Variants in CNNM2 observed in about 807,000 individuals in gnomAD.
CNNM2 encodes cyclin and CBS domain divalent metal cation transport mediator 2, also known as metal transporter CNNM2.
A neutral mutation model predicts 66.9 loss-of-function variants in CNNM2; 12 were observed. The ratio of observed to expected loss-of-function variants is 0.18; its 90% CI spans 0.11 to 0.29. The LOEUF (loss-of-function observed/expected upper bound fraction) is 0.29. CNNM2 is among the 10% of genes least tolerant of loss of function. The pLI, the probability that CNNM2 is intolerant of heterozygous loss-of-function variation, is 1.00. For synonymous variants in CNNM2, 557 were observed against 501.8 expected, an observed-to-expected ratio of 1.11 and a Z score of -1.47; for missense variants, 705 against 1,167.7, an observed-to-expected ratio of 0.60 and a Z score of 5.77.
chr10:102,993,620 C>T (rs539419168), intron 1 of CNNM2, among the ~76,000 whole-genome samples: 1 of 152,030 alleles, frequency 6.6e-6, no homozygotes, highest in Non-Finnish European at 1.5e-5. Flanking sequence ...TGTTGTTTCT[C>T]TCTCCCAAGA....
rs1320712616 is a variant in CNNM2 at position 103,080,369 on chromosome 10, G to T, written c.*3189G>T. Reference sequence around the variant, plus strand: ...TGGAGGTTCCGTCCCTTCACTGCTTGTCCCATATGCGTCAGGCAAATTCAA... The same window carrying T: ...TGGAGGTTCCGTCCCTTCACTGCTTTTCCCATATGCGTCAGGCAAATTCAA... On this transcript the variant is annotated 3_prime_UTR_variant, in exon 8 of 8. Coordinates refer to ENST00000369878, the MANE Select transcript of CNNM2 (RefSeq NM_017649.5). 2.0e-5 allele frequency: 3 copies of T among 152,240 alleles called. No individual in the cohort carries two copies. The highest frequency in any genetic ancestry group is 7.2e-5 in the African/African-American group (3 of 41,450). 9.4% of individuals were successfully genotyped at this position (152,240 alleles called of 1,614,324 possible).
intron 1 of CNNM2, among the ~76,000 whole-genome samples, chr10:102,943,770 T>C (rs1034933714): frequency 6.6e-6 from 1 of 152,208 alleles, no homozygotes; most frequent in African/African-American, 2.4e-5. Context: ...TTCATATGTA[T>C]GTCTGTATGT....
Position 103,077,275 on chromosome 10 carries a change from C to A in CNNM2, c.*95C>A. On this transcript the variant is annotated 3_prime_UTR_variant, in exon 8 of 8. Coordinates refer to ENST00000369878, the MANE Select transcript of CNNM2 (RefSeq NM_017649.5). ...ACTTCACTGGTGTGAGCTTGTCCGCCATGCTGTACCCTGCAACATCCTGAG... is the reference window on the plus strand; with the variant it reads ...ACTTCACTGGTGTGAGCTTGTCCGCAATGCTGTACCCTGCAACATCCTGAG... The A allele has an allele frequency of 1.8e-6, 2 of 1,118,250 alleles. No individual in the cohort carries two copies. The highest frequency in any genetic ancestry group is 2.6e-6 in the Non-Finnish European group (2 of 768,502). 69.3% of individuals were successfully genotyped at this position (1,118,250 alleles called of 1,614,324 possible). A position where few individuals can be genotyped will look rare whatever the true frequency, so the allele number is the denominator to read the frequency against.
chr10:103,037,574 C>T (rs921036670), intron 1 of CNNM2, among the ~76,000 whole-genome samples: 2 of 152,094 alleles, frequency 1.3e-5, no homozygotes, highest in Non-Finnish European at 2.9e-5. Flanking sequence ...AAGATGGAGT[C>T]TTCTCTCTGT....
rs565546566 is a variant in CNNM2 at position 102,992,229 on chromosome 10, A to G, written c.1622-57478A>G. Among the ~76,000 whole-genome samples, 5 of 142,812 alleles carry G rather than the reference A, an allele frequency of 3.5e-5. No homozygotes were observed. In the East Asian group the frequency reaches 1.1e-3, roughly 31 times the overall value. The allele number at this position is 142,812 out of a possible 152,430, so 93.7% of individuals were successfully genotyped here. A position where few individuals can be genotyped will look rare whatever the true frequency, so the allele number is the denominator to read the frequency against. On this transcript the variant is annotated intron_variant, in intron 1 of 7. Transcript: ENST00000369878. ...CCAAAAACTTTGCCCAGGTACCCAC[A>G]TTGTAGTGGGGGCAGCCTTTTACTG...
At chr10:102,961,891 A>G (rs1026135971) in intron 1 of CNNM2, among the ~76,000 whole-genome samples, 1 of 151,750 alleles carries the variant, frequency 6.6e-6, no homozygotes, top group African/African-American at 2.4e-5. Flanking sequence ...CGATACTCCA[A>G]TCTCTAAAAA....
chr10:102,923,567 T>A (rs1299571698), intron 1 of CNNM2, among the ~76,000 whole-genome samples: 2 of 152,180 alleles, frequency 1.3e-5, no homozygotes. Context: ...AGGTTTAGTC[T>A]TTTGTCTCAA....
chr10:103,023,278 G>A (rs774119177), intron 1 of CNNM2, among the ~76,000 whole-genome samples: 4 of 152,282 alleles, frequency 2.6e-5, no homozygotes, highest in South Asian at 2.1e-4. Context: ...TGGGCCTGGC[G>A]CAGTGGCTCA....
intron 1 of CNNM2, among the ~76,000 whole-genome samples, chr10:103,002,736 C>T (rs1487201726): frequency 6.6e-6 from 1 of 152,106 alleles, no homozygotes; most frequent in Non-Finnish European, 1.5e-5. Flanking sequence ...GCCTCAGCCT[C>T]CCAAAGTGCA....
chr10:102,919,995 C>T lies in CNNM2; in HGVS notation c.1515C>T (p.Pro505=), dbSNP rs144140948. The change falls in exon 1 of 8, where the codon CCC becomes CCT. Residue 505 remains proline, a synonymous_variant. Transcript: ENST00000369878. The part of the protein sequence containing the change: ...LFVKDLAFVD[P]DDCTPLKTIT... ...TCAAAGACTTGGCCTTCGTGGATCC[C>T]GATGACTGTACCCCCCTGAAAACCA... 4.7e-4 allele frequency: 759 copies of T among 1,614,096 alleles called. 1 individual carries two copies. The highest frequency in any genetic ancestry group is 6.3e-4 in the Non-Finnish European group (738 of 1,180,052).
intron 5 of CNNM2, 78 bp from the exon 6 acceptor site, chr10:103,071,696 C>G: frequency 9.4e-7 from 1 of 1,063,586 alleles, no homozygotes. Flanking sequence ...AACAAGTATC[C>G]CCTCCTGTCC....
At chr10:102,945,906 G>A (rs1042037235) in intron 1 of CNNM2, among the ~76,000 whole-genome samples, 5 of 151,778 alleles carry the variant, frequency 3.3e-5, no homozygotes, top group Non-Finnish European at 7.4e-5. Flanking sequence ...CCACTTGGAG[G>A]TGCTCAGTCG....
chr10:102,980,975 C>T (rs144867934), intron 1 of CNNM2, among the ~76,000 whole-genome samples: 3 of 152,102 alleles, frequency 2.0e-5, no homozygotes, highest in Non-Finnish European at 4.4e-5. Flanking sequence ...TAGCTTGTTT[C>T]GGAAGCACAT....
In CNNM2 at chr10:103,087,912, G is replaced by C. The variant is rs2065878141; in HGVS notation, c.*10732G>C. 6.6e-6 allele frequency: 1 copy of C among 152,158 alleles called. No individual in the cohort carries two copies. Among genetic ancestry groups the C allele is most frequent in the Non-Finnish European group, 1.5e-5 (1 of 68,032 alleles). 9.4% of individuals were successfully genotyped at this position (152,158 alleles called of 1,614,324 possible). A position where few individuals can be genotyped will look rare whatever the true frequency, so the allele number is the denominator to read the frequency against. ...CAGTATATCCTTGACTAAGTTATCAGGCTGTGTTCTCTGCTTATAAAATAA... is the reference window on the plus strand; with the variant it reads ...CAGTATATCCTTGACTAAGTTATCACGCTGTGTTCTCTGCTTATAAAATAA... On this transcript the variant is annotated 3_prime_UTR_variant, in exon 8 of 8. Transcript: ENST00000369878.
At chr10:103,044,295 A>G (rs763997736) in intron 1 of CNNM2, among the ~76,000 whole-genome samples, 1 of 151,870 alleles carries the variant, frequency 6.6e-6, no homozygotes, top group Non-Finnish European at 1.5e-5. Context: ...TTGAAAATTT[A>G]TGTATTGAAA....
At chr10:102,993,213 T>G (rs2063928825) in intron 1 of CNNM2, among the ~76,000 whole-genome samples, 1 of 152,190 alleles carries the variant, frequency 6.6e-6, no homozygotes, top group Admixed American at 6.6e-5. Flanking sequence ...GTTGAGAAAC[T>G]TATGTGATAT....
chr10:103,002,045 G>A (rs2064133033), intron 1 of CNNM2, among the ~76,000 whole-genome samples: 1 of 151,852 alleles, frequency 6.6e-6, no homozygotes, highest in African/African-American at 2.4e-5. Context: ...AAGAAAACAG[G>A]AATAAACCTT....
intron 5 of CNNM2, among the ~76,000 whole-genome samples, chr10:103,069,065 A>G (rs1436640248): frequency 6.6e-6 from 1 of 152,064 alleles, no homozygotes; most frequent in African/African-American, 2.4e-5. Flanking sequence ...AACTTTGCAT[A>G]AATGGAGACA....
intron 1 of CNNM2, among the ~76,000 whole-genome samples, chr10:103,010,820 C>G (rs377420892): frequency 6.6e-6 from 1 of 152,030 alleles, no homozygotes; most frequent in Non-Finnish European, 1.5e-5. Context: ...ACCATGTTGG[C>G]CAGCCTGGTC....
Sources: allele counts gnomAD v4.1 joint callset (sites outside exome capture counted in the v4.1 genomes callset), GRCh38; gene constraint gnomAD v4.1.1; transcripts MANE v1.5; gene names NCBI Gene and HGNC (gene_info 2026-07-23, HGNC 2026-07-21).